FOXP1: variants seen among roughly 807,000 people sequenced by gnomAD.
FOXP1 encodes the protein forkhead box P1.
In FOXP1, 15 loss-of-function variants were observed where a neutral mutation model predicts 98.2. The ratio of observed to expected loss-of-function variants is 0.15; its 90% CI spans 0.10 to 0.24. The LOEUF (loss-of-function observed/expected upper bound fraction) is 0.24. FOXP1 is among the 10% of genes least tolerant of loss of function. The pLI is 1.00. For missense variants in FOXP1, 633 were observed against 848.5 expected, an observed-to-expected ratio of 0.75 and a Z score of 3.15; for synonymous variants, 371 against 314.5, an observed-to-expected ratio of 1.18 and a Z score of -1.90.
At chr3:71,319,566 C>G (rs1008175249) in intron 4 of FOXP1, among the ~76,000 whole-genome samples, 11 of 152,164 alleles carry the variant, frequency 7.2e-5, no homozygotes, top group African/African-American at 2.7e-4. Context: ...CTACTCTCTC[C>G]TCCCTTTCAA....
At chr3:71,063,138 A>AGTC (rs1263587175) in intron 7 of FOXP1, among the ~76,000 whole-genome samples, 3 of 152,238 alleles carry the variant, frequency 2.0e-5, no homozygotes, top group Admixed American at 6.5e-5. Flanking sequence ...TCCTACAGTA[A>AGTC]GTCAGCCAGT....
At chr3:71,249,303 A>G (rs1382297189) in intron 5 of FOXP1, among the ~76,000 whole-genome samples, 1 of 152,232 alleles carries the variant, frequency 6.6e-6, no homozygotes, top group Non-Finnish European at 1.5e-5. Context: ...CCCCAGATCA[A>G]TTCAGTCAGC....
At chr3:71,432,634 G>T (rs1369815095) in intron 3 of FOXP1, among the ~76,000 whole-genome samples, 1 of 152,020 alleles carries the variant, frequency 6.6e-6, no homozygotes, top group Non-Finnish European at 1.5e-5. Context: ...CTAACACCCT[G>T]GGCGCCTGCA....
intron 12 of FOXP1, among the ~76,000 whole-genome samples, chr3:71,006,359 C>G (rs2042811743): frequency 6.6e-6 from 1 of 152,102 alleles, no homozygotes; most frequent in Non-Finnish European, 1.5e-5. Context: ...TCTCATCTTT[C>G]ATCCTGGCTA....
intron 2 of FOXP1, among the ~76,000 whole-genome samples, chr3:71,560,930 G>A (rs999486932): frequency 2.6e-5 from 4 of 152,182 alleles, no homozygotes; most frequent in African/African-American, 9.7e-5. Flanking sequence ...GAGAGAGGAT[G>A]AGTGCTAAAG....
At chr3:71,550,981 A>C (rs1275320563) in intron 2 of FOXP1, among the ~76,000 whole-genome samples, 1 of 152,194 alleles carries the variant, frequency 6.6e-6, no homozygotes, top group Admixed American at 6.5e-5. Flanking sequence ...GGTTTCACTT[A>C]GGAGACAAAT....
At chr3:71,290,833 A>G (rs2072673040) in intron 5 of FOXP1, among the ~76,000 whole-genome samples, 1 of 152,214 alleles carries the variant, frequency 6.6e-6, no homozygotes, top group Non-Finnish European at 1.5e-5. Flanking sequence ...AAGGATGCTT[A>G]GCTGGTAATG....
At chr3:71,173,383 TCACACACACACACACACA>T (rs3064895) in intron 6 of FOXP1, among the ~76,000 whole-genome samples, 4 of 143,206 alleles carry the variant, frequency 2.8e-5, no homozygotes, top group African/African-American at 5.2e-5. Context: ...AAGAAAAAAT[TCACACACACACACACACA>T]CACACACACA....
chr3:71,181,654 G>C (rs1198376413), intron 6 of FOXP1, among the ~76,000 whole-genome samples: 4 of 152,194 alleles, frequency 2.6e-5, no homozygotes, highest in Non-Finnish European at 5.9e-5. Flanking sequence ...AAGTGTATCT[G>C]TAATGACTGT....
At chr3:71,532,358 A>G (rs765610397) in intron 2 of FOXP1, among the ~76,000 whole-genome samples, 3 of 152,098 alleles carry the variant, frequency 2.0e-5, no homozygotes, top group Non-Finnish European at 4.4e-5. Context: ...CGGCCTCCCA[A>G]AGTGCTGAGA....
intron 5 of FOXP1, among the ~76,000 whole-genome samples, chr3:71,238,790 A>C (rs2067011316): frequency 6.6e-6 from 1 of 152,222 alleles, no homozygotes; most frequent in Non-Finnish European, 1.5e-5. Flanking sequence ...ACCTGCAAGC[A>C]CTTACAAGTG....
intron 2 of FOXP1, among the ~76,000 whole-genome samples, chr3:71,526,026 A>C (rs7626335): frequency 0.62 from 93,973 of 151,904 alleles, 30,517 homozygotes; most frequent in Non-Finnish European, 0.67. Flanking sequence ...GAGGCTAAGG[A>C]AGGACAACTG....
chr3:71,442,605 G>A (rs1461854420), intron 3 of FOXP1, among the ~76,000 whole-genome samples: 4 of 152,260 alleles, frequency 2.6e-5, no homozygotes, highest in East Asian at 3.9e-4. Context: ...AACTAGCCGC[G>A]GCCCCAGTAA....
intron 5 of FOXP1, among the ~76,000 whole-genome samples, chr3:71,204,359 G>A (rs2063873587): frequency 6.6e-6 from 1 of 152,222 alleles, no homozygotes; most frequent in African/African-American, 2.4e-5. Context: ...GTGGGGTGCA[G>A]CTCCACAGAC....
At chr3:71,241,461 G>A (rs138201617) in intron 5 of FOXP1, among the ~76,000 whole-genome samples, 2,389 of 152,124 alleles carry the variant, frequency 0.016, 30 homozygotes, top group Middle Eastern at 0.037. Flanking sequence ...AGGACACTCC[G>A]GTCTCCCCTC....
At chr3:70,980,022 C>A (rs555069508) in intron 14 of FOXP1, among the ~76,000 whole-genome samples, 46 of 152,196 alleles carry the variant, frequency 3.0e-4, no homozygotes, top group Admixed American at 1.5e-3. Flanking sequence ...AGAGCAAGCT[C>A]TGGAGATGGC....
intron 6 of FOXP1, among the ~76,000 whole-genome samples, chr3:71,190,158 G>T (rs1162042744): frequency 1.3e-5 from 2 of 152,082 alleles, no homozygotes; most frequent in Non-Finnish European, 2.9e-5. Context: ...AACCCAATCT[G>T]CCTTTTCACC....
rs542644276 is a variant in FOXP1, at chr3:71,433,573, GTAAACTA to G, written c.-168+59846_-168+59852del. 2.3e-4 allele frequency among the ~76,000 whole-genome samples: 35 copies of G among 152,280 alleles called. No individual in the cohort carries two copies. The South Asian group carries it at 7.3e-3, about 32-fold the overall frequency. On this transcript the variant is annotated intron_variant, in intron 3 of 20. Transcript: ENST00000649528. The stretch of plus-strand genomic sequence containing the variant: ...CAGATTGTGCAAGGGGGAAGGGTCT[GTAAACTA>G]AAATAAAAATCCACATTAAAAACGT...
At chr3:71,444,614 TG>T (rs1481885296) in intron 3 of FOXP1, among the ~76,000 whole-genome samples, 1 of 152,144 alleles carries the variant, frequency 6.6e-6, no homozygotes, top group African/African-American at 2.4e-5. Context: ...CAGTTTTCAT[TG>T]GTGGGGCGCT....
Sources: gnomAD v4.1 joint callset for allele counts (sites outside exome capture counted in the v4.1 genomes callset) on GRCh38, gnomAD v4.1.1 for gene constraint, MANE v1.5 for transcripts, NCBI Gene and HGNC (gene_info 2026-07-23, HGNC 2026-07-21) for gene names.